Variants in MGAT5B observed in about 807,000 individuals in gnomAD.
MGAT5B encodes alpha-1,6-mannosylglycoprotein 6-beta-N-acetylglucosaminyltransferase B, also known as N-acetylglucosaminyl-transferase Vb.
A neutral mutation model predicts 95.1 loss-of-function variants in MGAT5B; 54 were observed. That is an observed-to-expected ratio of 0.57 (90% CI 0.46 to 0.71). The LOEUF is 0.71. Ranked by LOEUF, MGAT5B falls within the 30% of genes least tolerant of loss-of-function variation. The pLI, the probability that MGAT5B is intolerant of heterozygous loss-of-function variation, is 0.00. For missense variants in MGAT5B, 935 were observed against 1,088.6 expected, an observed-to-expected ratio of 0.86 and a Z score of 1.99; for synonymous variants, 464 against 451.0, an observed-to-expected ratio of 1.03 and a Z score of -0.36.
At chr17:76,891,192 T>C (rs1967854824) in intron 3 of MGAT5B, among the ~76,000 whole-genome samples, 1 of 151,564 alleles carries the variant, frequency 6.6e-6, no homozygotes, top group South Asian at 2.1e-4. Context: ...CTCAAACTCC[T>C]GACCTCAGAT....
rs1598875859 is a variant in MGAT5B at position 76,868,689 on chromosome 17, G to C, written c.-341G>C. ...CGCCCGCCGCGGGGAGCCCGTCTGC[G>C]CGCCGCGGCACCTTCCCGCCCAGCG... On this transcript the variant is annotated 5_prime_UTR_variant, in exon 1 of 18. Coordinates refer to ENST00000569840, the MANE Select transcript of MGAT5B (RefSeq NM_001199172.2). This position sits in a 1 kb window ranked among gnomAD's most constrained non-coding sequence, Gnocchi z 6.3. 1 of 152,378 alleles carries C rather than the reference G, an allele frequency of 6.6e-6. No homozygotes were observed. Among genetic ancestry groups the C allele is most frequent in the African/African-American group, 2.4e-5 (1 of 41,246 alleles). The allele number at this position is 152,378 out of a possible 1,614,324, so 9.4% of individuals were successfully genotyped here. A position where few individuals can be genotyped will look rare whatever the true frequency, so the allele number is the denominator to read the frequency against.
chr17:76,876,363 A>G (rs1175350031), intron 2 of MGAT5B, among the ~76,000 whole-genome samples: 1 of 151,932 alleles, frequency 6.6e-6, no homozygotes, highest in African/African-American at 2.4e-5. Context: ...GGATTGTTGG[A>G]TAATGCACGT....
At chr17:76,878,703 G>A (rs1008823999) in intron 2 of MGAT5B, among the ~76,000 whole-genome samples, 9 of 152,060 alleles carry the variant, frequency 5.9e-5, no homozygotes, top group Admixed American at 1.3e-4. Flanking sequence ...TTGAACTCCC[G>A]AGCTCAACCA....
Position 76,918,085 on chromosome 17 carries a change from G to C in MGAT5B, c.1026-6881G>C, listed in dbSNP as rs1795150499. On this transcript the variant is annotated intron_variant, in intron 8 of 17. Transcript: ENST00000569840. This position sits in a 1 kb window ranked among gnomAD's most constrained non-coding sequence, Gnocchi z 5.1. ...AGCACTGAGTTTGCTTGCTAGGAAA[G>C]AACGCTGGGGAAGAAAGTGCCAGCT... 6.6e-6 allele frequency among the ~76,000 whole-genome samples: 1 copy of C among 152,168 alleles called. No individual in the cohort carries two copies. Among genetic ancestry groups the C allele is most frequent in the South Asian group, 2.1e-4 (1 of 4,828 alleles).
chr17:76,922,205 C>A (rs1461128207), intron 8 of MGAT5B, among the ~76,000 whole-genome samples: 1 of 152,144 alleles, frequency 6.6e-6, no homozygotes, highest in African/African-American at 2.4e-5. Context: ...GTAGGGAAGC[C>A]AGTCATGTTC....
intron 3 of MGAT5B, among the ~76,000 whole-genome samples, chr17:76,890,346 C>T (rs949470777): frequency 1.3e-5 from 2 of 152,186 alleles, no homozygotes; most frequent in Non-Finnish European, 2.9e-5. Flanking sequence ...GACTGAATGT[C>T]CATTACGAGT....
In MGAT5B at chr17:76,870,380, G is replaced by A. The variant is rs140556209; in HGVS notation, c.68+1283G>A. ...TGGGGGCGTCGGGAGCCCATGGGAA[G>A]CAGGGCGGGAAGCAGGCGTCTCTGG... On this transcript the variant is annotated intron_variant, in intron 1 of 17. Coordinates refer to ENST00000569840, the MANE Select transcript of MGAT5B (RefSeq NM_001199172.2). This position sits in a 1 kb window ranked among gnomAD's most constrained non-coding sequence, Gnocchi z 5.0. 3.3e-3 allele frequency among the ~76,000 whole-genome samples: 496 copies of A among 152,286 alleles called. 2 individuals are homozygous for A. Among genetic ancestry groups the A allele is most frequent in the Middle Eastern group, 0.014 (4 of 294 alleles).
chr17:76,892,340 G>A (rs1329993058), intron 3 of MGAT5B, among the ~76,000 whole-genome samples: 2 of 152,232 alleles, frequency 1.3e-5, no homozygotes, highest in African/African-American at 2.4e-5. Flanking sequence ...GAGCCACCAC[G>A]CTCGGCCAGG....
chr17:76,922,360 T>G (rs768461009), intron 8 of MGAT5B, among the ~76,000 whole-genome samples: 2 of 152,198 alleles, frequency 1.3e-5, no homozygotes, highest in Non-Finnish European at 2.9e-5. Flanking sequence ...AGTGTCTTTG[T>G]GTCCTTTTGT....
chr17:76,871,834 C>G (rs945714238), intron 1 of MGAT5B, among the ~76,000 whole-genome samples: 2 of 152,214 alleles, frequency 1.3e-5, no homozygotes, highest in African/African-American at 4.8e-5. Context: ...CTGATAGGTT[C>G]AAGTTCCCAG....
chr17:76,927,478 G>C (rs1969349539), intron 10 of MGAT5B, among the ~76,000 whole-genome samples: 1 of 152,174 alleles, frequency 6.6e-6, no homozygotes, highest in African/African-American at 2.4e-5. Flanking sequence ...GGGCTCAAGC[G>C]ATCCACCCAC....
intron 3 of MGAT5B, among the ~76,000 whole-genome samples, chr17:76,894,867 A>T (rs1968009159): frequency 6.6e-6 from 1 of 151,772 alleles, no homozygotes; most frequent in Non-Finnish European, 1.5e-5. Context: ...AAAAAAAAGA[A>T]AAAAAGAAAA....
intron 2 of MGAT5B, among the ~76,000 whole-genome samples, chr17:76,876,949 C>T (rs1279933058): frequency 6.6e-6 from 1 of 152,164 alleles, no homozygotes; most frequent in East Asian, 1.9e-4. Flanking sequence ...CCCTTCCAGC[C>T]CTTCTCGCCT....
intron 15 of MGAT5B, among the ~76,000 whole-genome samples, chr17:76,942,811 C>T (rs1969903194): frequency 6.6e-6 from 1 of 152,208 alleles, no homozygotes; most frequent in South Asian, 2.1e-4. Flanking sequence ...CCACAGTCTC[C>T]TCCAGCTTCT....
chr17:76,927,016 G>A (rs1969334892), intron 10 of MGAT5B, among the ~76,000 whole-genome samples: 1 of 152,194 alleles, frequency 6.6e-6, no homozygotes, highest in African/African-American at 2.4e-5. Context: ...GGGAGGTTGG[G>A]CACACAGTTC....
At chr17:76,919,191 T>A (rs1873597157) in intron 8 of MGAT5B, among the ~76,000 whole-genome samples, 1 of 152,210 alleles carries the variant, frequency 6.6e-6, no homozygotes, top group Non-Finnish European at 1.5e-5. Flanking sequence ...AGTGAAGGTT[T>A]ATTTTTCTCC....
intron 2 of MGAT5B, among the ~76,000 whole-genome samples, chr17:76,879,534 A>G (rs1967327154): frequency 6.6e-6 from 1 of 152,190 alleles, no homozygotes; most frequent in South Asian, 2.1e-4. Flanking sequence ...AGGGCTGCCC[A>G]GTGAGGCCAC....
At chr17:76,892,727 G>A (rs759719548) in intron 3 of MGAT5B, among the ~76,000 whole-genome samples, 21 of 152,348 alleles carry the variant, frequency 1.4e-4, no homozygotes, top group Non-Finnish European at 2.4e-4. Flanking sequence ...CTGTGACAGC[G>A]CCTGCTCTCC....
At chr17:76,872,551 G>A in intron 1 of MGAT5B, 1 of 990,836 alleles carries the variant, frequency 1.0e-6, no homozygotes, top group Admixed American at 2.9e-5. Flanking sequence ...CAGGACTGCA[G>A]CTGTTAATGA....
Sources: gnomAD v4.1 joint callset for allele counts (sites outside exome capture counted in the v4.1 genomes callset) on GRCh38, gnomAD v4.1.1 for gene constraint, Gnocchi (gnomAD v3.1) non-coding constraint, MANE v1.5 for transcripts, NCBI Gene and HGNC (gene_info 2026-07-23, HGNC 2026-07-21) for gene names.